Variants in DIP2C observed in about 807,000 individuals in gnomAD.
DIP2C encodes the protein disco-interacting protein 2 homolog C.
In DIP2C, 33 loss-of-function variants were observed where a neutral mutation model predicts 192.4. That is an observed-to-expected ratio of 0.17 (90% confidence interval 0.13 to 0.23). The LOEUF (loss-of-function observed/expected upper bound fraction) is 0.23. DIP2C is among the 10% of genes least tolerant of loss of function. The pLI, the probability that DIP2C is intolerant of heterozygous loss-of-function variation, is 1.00. For synonymous variants in DIP2C, 979 were observed against 864.1 expected (o/e 1.13, Z -2.33); for missense variants, 1,537 against 2,110.1 (o/e 0.73, Z 5.32).
chr10:292,647 G>T (rs141279400), intron 32 of DIP2C, among the ~76,000 whole-genome samples: 2 of 152,228 alleles, frequency 1.3e-5, no homozygotes, highest in African/African-American at 2.4e-5. Context: ...GTCACAAGAG[G>T]TCTGTGAGGT....
intron 1 of DIP2C, among the ~76,000 whole-genome samples, chr10:624,762 G>A (rs747759419): frequency 6.6e-6 from 1 of 152,210 alleles, no homozygotes; most frequent in African/African-American, 2.4e-5. Flanking sequence ...AGCCAGGGAC[G>A]CTTGGAGAGA....
At chr10:409,145 TG>T (rs375528026) in intron 8 of DIP2C, 128 bp from the exon 9 acceptor site, 3 of 805,520 alleles carry the variant, frequency 3.7e-6, no homozygotes, top group African/African-American at 3.5e-5. Flanking sequence ...CGACTTGAAG[TG>T]GGGGCAGCTG....
chr10:337,294 T>TGTGTGTGTGTGTTCTGTGGAGGCCC (rs1589523447), intron 29 of DIP2C, among the ~76,000 whole-genome samples: 55 of 17,092 alleles, frequency 3.2e-3, no homozygotes, highest in East Asian at 6.5e-3. Context: ...TGTGGAGGCC[T>TGTGTGTGTGTGTTCTGTGGAGGCCC]AGGCAGCTGT....
chr10:407,969 G>A (rs574275074), intron 9 of DIP2C, among the ~76,000 whole-genome samples: 5 of 152,186 alleles, frequency 3.3e-5, no homozygotes, highest in East Asian at 1.9e-4. Flanking sequence ...CCTGTGGTTC[G>A]GGTGCCACAT....
At chr10:521,083 AAATGT>A (rs1487889968) in intron 1 of DIP2C, among the ~76,000 whole-genome samples, 1 of 152,262 alleles carries the variant, frequency 6.6e-6, no homozygotes, top group African/African-American at 2.4e-5. Flanking sequence ...ATATTTCCAC[AAATGT>A]AATGTATACA....
intron 3 of DIP2C, among the ~76,000 whole-genome samples, chr10:470,430 G>A (rs954150326): frequency 1.2e-4 from 19 of 152,166 alleles, no homozygotes; most frequent in Non-Finnish European, 2.8e-4. Flanking sequence ...TCTGCCATGT[G>A]CCTCTCTCTT....
intron 32 of DIP2C, among the ~76,000 whole-genome samples, chr10:298,667 C>A (rs1955876302): frequency 6.6e-6 from 1 of 152,240 alleles, no homozygotes; most frequent in African/African-American, 2.4e-5. Context: ...GGGGCTGCAG[C>A]ATTCTCCCAG....
At chr10:451,371 C>T (rs1305882118) in intron 3 of DIP2C, among the ~76,000 whole-genome samples, 2 of 152,190 alleles carry the variant, frequency 1.3e-5, no homozygotes, top group Non-Finnish European at 2.9e-5. Flanking sequence ...AGGGTATTAT[C>T]CTATCGCCCT....
chr10:573,759 G>A (rs898333380), intron 1 of DIP2C, among the ~76,000 whole-genome samples: 4 of 151,474 alleles, frequency 2.6e-5, no homozygotes, highest in African/African-American at 9.7e-5. Flanking sequence ...GAGTCTTGTA[G>A]GTACTTAAAA....
At chr10:600,407 A>G (rs2131693024) in intron 1 of DIP2C, among the ~76,000 whole-genome samples, 1 of 142,136 alleles carries the variant, frequency 7.0e-6, no homozygotes, top group South Asian at 2.2e-4. Context: ...GTGACTGAGC[A>G]GCAAGTGGGA....
chr10:293,662 G>C (rs1206285391), intron 32 of DIP2C, among the ~76,000 whole-genome samples: 1 of 152,192 alleles, frequency 6.6e-6, no homozygotes, highest in Non-Finnish European at 1.5e-5. Flanking sequence ...TCAAAGTTGG[G>C]ATTTTAATAT....
At chr10:654,713 A>C (rs1856171314) in intron 1 of DIP2C, among the ~76,000 whole-genome samples, 1 of 152,108 alleles carries the variant, frequency 6.6e-6, no homozygotes, top group African/African-American at 2.4e-5. Context: ...ATTTTCATAG[A>C]ACTAAAGAAA....
chr10:338,766 T>TG (rs1957996194), intron 29 of DIP2C, among the ~76,000 whole-genome samples: 1 of 152,064 alleles, frequency 6.6e-6, no homozygotes, highest in Admixed American at 6.5e-5. Flanking sequence ...GCACCCTGCC[T>TG]GGCTGGCACT....
Position 649,287 on chromosome 10 carries a change from G to A in DIP2C, c.85+40207C>T, listed in dbSNP as rs576583171. The stretch of plus-strand genomic sequence containing the variant: ...AACTGAGTCCACGTCAACATTTGAG[G>A]GTGGGAGAGAACAGAGGGAAACTGA... On this transcript the variant is annotated intron_variant, in intron 1 of 36. Transcript: ENST00000280886. Among the ~76,000 whole-genome samples the A allele has an allele frequency of 1.7e-4, 26 of 150,648 alleles. 1 individual carries two copies. Among genetic ancestry groups the A allele is most frequent in the Non-Finnish European group, 3.8e-4 (26 of 67,624 alleles).
intron 1 of DIP2C, among the ~76,000 whole-genome samples, chr10:681,811 AG>A (rs1831144661): frequency 6.6e-6 from 1 of 152,262 alleles, no homozygotes; most frequent in Non-Finnish European, 1.5e-5. Flanking sequence ...AGTTGGCCCC[AG>A]GAACGCCTTC....
chr10:475,720 G>A lies in DIP2C; in HGVS notation c.158-3171C>T, dbSNP rs571427781. 1.5e-4 allele frequency among the ~76,000 whole-genome samples: 23 copies of A among 152,332 alleles called. 1 individual carries two copies. In the Middle Eastern group the frequency reaches 0.014, roughly 90 times the overall value. The stretch of plus-strand genomic sequence containing the variant: ...GACGGCAAAAGAAACGAGTATGAAT[G>A]TACATGTTTCCTTCATTCATTTTCC... On this transcript the variant is annotated intron_variant, in intron 2 of 36. Transcript: ENST00000280886.
At chr10:367,674 CAA>C (rs997808944) in intron 18 of DIP2C, among the ~76,000 whole-genome samples, 21 of 152,156 alleles carry the variant, frequency 1.4e-4, no homozygotes, top group African/African-American at 4.8e-4. Context: ...ACTGCAGCAG[CAA>C]AAGAGGGAAA....
chr10:551,254 C>CCCT (rs1848571446), intron 1 of DIP2C, among the ~76,000 whole-genome samples: 1 of 152,220 alleles, frequency 6.6e-6, no homozygotes, highest in Non-Finnish European at 1.5e-5. Context: ...GTACCATGCC[C>CCCT]CCTCCTCCCC....
intron 1 of DIP2C, among the ~76,000 whole-genome samples, chr10:580,104 TACATAG>T (rs1850512722): frequency 6.6e-6 from 1 of 152,164 alleles, no homozygotes; most frequent in Non-Finnish European, 1.5e-5. Flanking sequence ...CATTTGTATG[TACATAG>T]GTATAACATC....
Sources: allele counts gnomAD v4.1 joint callset (sites outside exome capture counted in the v4.1 genomes callset), GRCh38; gene constraint gnomAD v4.1.1; transcripts MANE v1.5; gene names NCBI Gene and HGNC (gene_info 2026-07-23, HGNC 2026-07-21).